NFIA: variants seen among roughly 807,000 people sequenced by gnomAD.
NFIA encodes nuclear factor 1 A-type.
Under a neutral mutation model 62.8 loss-of-function variants are expected in NFIA, and 8 were observed. The observed-to-expected ratio is 0.13, with a 90% CI of 0.07 to 0.23. NFIA has a LOEUF of 0.23. Ranked by LOEUF, NFIA falls within the 10% of genes least tolerant of loss-of-function variation. The pLI is 1.00. For missense variants in NFIA, 410 were observed against 642.1 expected, an observed-to-expected ratio of 0.64 and a Z score of 3.91; for synonymous variants, 235 against 238.1, an observed-to-expected ratio of 0.99 and a Z score of 0.12.
At chr1:61,309,502 A>AAC (rs1553171053) in intron 3 of NFIA, among the ~76,000 whole-genome samples, 9 of 151,066 alleles carry the variant, frequency 6.0e-5, no homozygotes, top group African/African-American at 2.2e-4. Context: ...AAAAAAAAAA[A>AAC]CACAAAATTC....
intron 5 of NFIA, 149 bp downstream of exon 5, chr1:61,352,716 G>GT (rs1662613078): frequency 3.0e-6 from 2 of 672,996 alleles, no homozygotes; most frequent in South Asian, 1.7e-5. Context: ...TGTCGGTCTC[G>GT]TTGGGGAGAT....
chr1:61,284,400 A>G (rs547312383), intron 3 of NFIA, among the ~76,000 whole-genome samples: 1 of 152,340 alleles, frequency 6.6e-6, no homozygotes, highest in East Asian at 1.9e-4. Context: ...CATTGTTTGC[A>G]AAGGCTCCTC....
rs1212931086 is a variant in NFIA at position 61,202,984 on chromosome 1, C to T, written c.560-74536C>T. Reference sequence around the variant, plus strand: ...ATGTAAACAACAAAAACTGGTCATCCGTCCAATTGTTGCTTCACTTATTTT... The same window carrying T: ...ATGTAAACAACAAAAACTGGTCATCTGTCCAATTGTTGCTTCACTTATTTT... On this transcript the variant is annotated intron_variant, in intron 2 of 10. Transcript: ENST00000403491. Among the ~76,000 whole-genome samples the T allele has an allele frequency of 9.8e-5, 15 of 152,314 alleles. No individual in the cohort carries two copies. In the East Asian group the frequency reaches 1.2e-3, roughly 12 times the overall value.
At chr1:61,439,611 T>C (rs948445077) in intron 10 of NFIA, 4 of 152,128 alleles carry the variant, frequency 2.6e-5, no homozygotes, top group South Asian at 2.1e-4. Flanking sequence ...ATCAATACGA[T>C]TGATTTTGTG....
chr1:61,402,640 A>G (rs571699878), intron 7 of NFIA, among the ~76,000 whole-genome samples: 1 of 152,328 alleles, frequency 6.6e-6, no homozygotes, highest in South Asian at 2.1e-4. Context: ...CCTCAATTGT[A>G]TGACCGATGG....
intron 4 of NFIA, among the ~76,000 whole-genome samples, chr1:61,352,247 AT>A (rs1662581846): frequency 6.6e-6 from 1 of 152,338 alleles, no homozygotes; most frequent in African/African-American, 2.4e-5. Flanking sequence ...AAGATGAAAA[AT>A]ATATTAGAAA....
chr1:61,202,843 A>G (rs1161396684), intron 2 of NFIA, among the ~76,000 whole-genome samples: 3 of 152,250 alleles, frequency 2.0e-5, no homozygotes, highest in Admixed American at 6.5e-5. Flanking sequence ...AGCTTTGCTT[A>G]AAAATGTCAC....
intron 3 of NFIA, among the ~76,000 whole-genome samples, chr1:61,303,392 A>G (rs905424605): frequency 6.6e-6 from 1 of 152,234 alleles, no homozygotes; most frequent in African/African-American, 2.4e-5. Context: ...CTAGTGCATG[A>G]GATGATAATA....
At chr1:61,333,598 G>A (rs1661424749) in intron 4 of NFIA, among the ~76,000 whole-genome samples, 1 of 152,232 alleles carries the variant, frequency 6.6e-6, no homozygotes, top group South Asian at 2.1e-4. Context: ...GTAGGCCTTA[G>A]TGTAAGGTAC....
intron 7 of NFIA, among the ~76,000 whole-genome samples, chr1:61,386,583 G>A (rs1038019623): frequency 6.6e-6 from 1 of 152,132 alleles, no homozygotes; most frequent in African/African-American, 2.4e-5. Flanking sequence ...GCTCAGAATG[G>A]AGATGAGATT....
chr1:61,174,606 G>A (rs1218490148), intron 2 of NFIA, among the ~76,000 whole-genome samples: 2 of 152,208 alleles, frequency 1.3e-5, no homozygotes, highest in African/African-American at 2.4e-5. Context: ...AAACTACTGA[G>A]TAGCTGACAT....
intron 4 of NFIA, among the ~76,000 whole-genome samples, chr1:61,344,181 C>T (rs1465727511): frequency 6.6e-6 from 1 of 152,102 alleles, no homozygotes; most frequent in Non-Finnish European, 1.5e-5. Context: ...TTCCCTTTAA[C>T]GATGATTCCA....
intron 2 of NFIA, among the ~76,000 whole-genome samples, chr1:61,276,457 A>C (rs754552293): frequency 6.6e-5 from 10 of 152,204 alleles, no homozygotes; most frequent in Non-Finnish European, 1.5e-4. Flanking sequence ...TCAGGCAGCT[A>C]ATTCAAAACC....
At chr1:61,382,229 T>C (rs1170630400) in intron 6 of NFIA, among the ~76,000 whole-genome samples, 1 of 152,178 alleles carries the variant, frequency 6.6e-6, no homozygotes, top group Non-Finnish European at 1.5e-5. Context: ...ATGCCTCCAG[T>C]TGGGTATGTC....
At chr1:61,428,908 A>G (rs921442346) in intron 10 of NFIA, among the ~76,000 whole-genome samples, 1 of 152,164 alleles carries the variant, frequency 6.6e-6, no homozygotes, top group Non-Finnish European at 1.5e-5. Flanking sequence ...CTTTCTACCT[A>G]TGGAGAAATA....
chr1:61,138,933 T>G (rs147572677), intron 2 of NFIA, among the ~76,000 whole-genome samples: 1,780 of 150,580 alleles, frequency 0.012, 20 homozygotes, highest in Middle Eastern at 0.065. Context: ...CTCATGCCTG[T>G]AACCCCAGCA....
In NFIA at chr1:61,293,519, C is replaced by T. The variant is rs527675633; in HGVS notation, c.625+15934C>T. Among the ~76,000 whole-genome samples the T allele has an allele frequency of 4.6e-5, 7 of 152,274 alleles. No homozygotes were observed. In the South Asian group the frequency reaches 1.2e-3, roughly 27 times the overall value. ...AATTCTTGGATGGCCAGTCACCCAG[C>T]GTGTTTCCCTTGGAATGAAGCTTGC... On this transcript the variant is annotated intron_variant, in intron 3 of 10. Transcript: ENST00000403491.
chr1:61,163,492 C>T (rs1649356945), intron 2 of NFIA, among the ~76,000 whole-genome samples: 1 of 152,030 alleles, frequency 6.6e-6, no homozygotes, highest in Non-Finnish European at 1.5e-5. Flanking sequence ...AGCACTTTGC[C>T]TAGAATTTTA....
intron 2 of NFIA, among the ~76,000 whole-genome samples, chr1:61,232,187 G>A (rs908133036): frequency 1.3e-5 from 2 of 152,126 alleles, no homozygotes; most frequent in Admixed American, 6.6e-5. Context: ...TTCTACGTTT[G>A]TAGAAGTAAA....
Sources: gnomAD v4.1 joint callset for allele counts (sites outside exome capture counted in the v4.1 genomes callset) on GRCh38, gnomAD v4.1.1 for gene constraint, MANE v1.5 for transcripts, NCBI Gene and HGNC (gene_info 2026-07-23, HGNC 2026-07-21) for gene names.